ZMIZ1: variants seen among roughly 807,000 people sequenced by gnomAD.
ZMIZ1 encodes the protein zinc finger MIZ-type containing 1, also known as zinc finger MIZ domain-containing protein 1.
Under a neutral mutation model 113.9 loss-of-function variants are expected in ZMIZ1, and 17 were observed. That is an observed-to-expected ratio of 0.15 (90% CI 0.10 to 0.22). The LOEUF (loss-of-function observed/expected upper bound fraction) is 0.22, where lower values mean the gene tolerates loss of function less well. Among genes scored for constraint, ZMIZ1 ranks in the 10% least tolerant of loss-of-function variants. The pLI, the probability that ZMIZ1 is intolerant of heterozygous loss-of-function variation, is 1.00. For missense variants in ZMIZ1, 1,059 were observed against 1,477.8 expected, an observed-to-expected ratio of 0.72 and a Z score of 4.65; for synonymous variants, 607 against 603.1, an observed-to-expected ratio of 1.01 and a Z score of -0.09.
At chr10:79,146,417 C>G (rs1026429216) in intron 3 of ZMIZ1, among the ~76,000 whole-genome samples, 1 of 152,202 alleles carries the variant, frequency 6.6e-6, no homozygotes, top group Non-Finnish European at 1.5e-5. Flanking sequence ...CTAGACACCC[C>G]CTTCTTCTAC....
chr10:79,189,557 G>A (rs1267679172), intron 4 of ZMIZ1, among the ~76,000 whole-genome samples: 5 of 152,214 alleles, frequency 3.3e-5, no homozygotes, highest in Non-Finnish European at 7.3e-5. Flanking sequence ...ACTGAGGCTA[G>A]CATTGTGCCC....
chr10:79,253,300 T>A (rs2132895622), intron 7 of ZMIZ1, among the ~76,000 whole-genome samples: 1 of 152,202 alleles, frequency 6.6e-6, no homozygotes, highest in East Asian at 1.9e-4. Context: ...TGAATGGCTG[T>A]TGGATATAGG....
chr10:79,311,036 C>G lies in ZMIZ1; in HGVS notation c.2948C>G (p.Pro983Arg). Residue 983 changes from proline to arginine, a missense_variant, in exon 24 of 25, where the codon CCT becomes CGT. By Grantham distance (103) the Pro-to-Arg change is moderately radical. This residue lies in a region of ZMIZ1 where 225 missense variants were observed against 276.0 expected (regional missense o/e 0.82). Transcript: ENST00000334512. Reference protein sequence around the residue: ...GPPLHHSGAPPPPPSQPPRQP... With the variant: ...GPPLHHSGAPRPPPSQPPRQP... Reference sequence around the variant, plus strand: ...CCATTACATCACAGTGGGGCTCCTCCTCCTCCTCCTTCCCAGCCTCCCCGG... The same window carrying G: ...CCATTACATCACAGTGGGGCTCCTCGTCCTCCTCCTTCCCAGCCTCCCCGG... 1 of 1,613,806 alleles carries G rather than the reference C, an allele frequency of 6.2e-7. No individual in the cohort carries two copies.
At chr10:79,288,521 T>TACGC (rs759742534) in intron 8 of ZMIZ1, among the ~76,000 whole-genome samples, 5 of 148,210 alleles carry the variant, frequency 3.4e-5, no homozygotes, top group Non-Finnish European at 7.4e-5. Context: ...CCAACACACA[T>TACGC]ACGCACACAC....
In ZMIZ1 at chr10:79,306,171, A is replaced by G. The variant is rs1248217328; in HGVS notation, c.2495A>G (p.His832Arg). ...CCGGTGCCCATCAAGTCGGACTTAC[A>G]CATCAAGGACGACCCTGATGGCATC... Reference protein sequence around the residue: ...WRPVPIKSDLHIKDDPDGIPS... With the variant: ...WRPVPIKSDLRIKDDPDGIPS... Residue 832 changes from histidine to arginine, a missense_variant, in exon 22 of 25, where the codon CAC becomes CGC. His to Arg is a conservative substitution (Grantham distance 29, BLOSUM62 0). This residue lies in a region of ZMIZ1 where 217 missense variants were observed against 426.9 expected (regional missense o/e 0.51). Transcript: ENST00000334512. 16 of 1,613,902 alleles carry G rather than the reference A, an allele frequency of 9.9e-6. No individual in the cohort carries two copies. The highest frequency in any genetic ancestry group is 1.2e-5 in the Non-Finnish European group (14 of 1,180,016).
At chr10:79,273,330 C>T (rs1194471231) in intron 7 of ZMIZ1, among the ~76,000 whole-genome samples, 5 of 150,398 alleles carry the variant, frequency 3.3e-5, no homozygotes, top group African/African-American at 1.3e-4. Flanking sequence ...AACAGCCCCT[C>T]CTGCTTCTTG....
rs1338092289 is a variant in ZMIZ1 at position 79,311,332 on chromosome 10, C to A, written c.3096+148C>A. ...GGCTTCACCCAGACCTGGCTCCAGA[C>A]CAGGAAGCCCCATGATGGGGAAGTG... On this transcript the variant is annotated intron_variant, in intron 24 of 24. Transcript: ENST00000334512. 6.0e-6 allele frequency: 8 copies of A among 1,331,786 alleles called. No homozygotes were observed. In the Admixed American group the frequency reaches 2.3e-4, roughly 38 times the overall value. The allele number at this position is 1,331,786 out of a possible 1,614,324, so 82.5% of individuals were successfully genotyped here.
chr10:79,271,342 C>G (rs1851940076), intron 7 of ZMIZ1, among the ~76,000 whole-genome samples: 1 of 152,220 alleles, frequency 6.6e-6, no homozygotes, highest in East Asian at 1.9e-4. Flanking sequence ...ATTTGTGTGC[C>G]TGGCTCCCCT....
chr10:79,120,713 A>G (rs1844254880), intron 2 of ZMIZ1, among the ~76,000 whole-genome samples: 1 of 152,198 alleles, frequency 6.6e-6, no homozygotes, highest in Non-Finnish European at 1.5e-5. Flanking sequence ...GGGCTTCAAC[A>G]AATTGAAGCT....
chr10:79,206,211 C>T (rs558457395), intron 5 of ZMIZ1, among the ~76,000 whole-genome samples: 9 of 152,186 alleles, frequency 5.9e-5, no homozygotes, highest in South Asian at 4.2e-4. Flanking sequence ...GAGCTCTGAA[C>T]GCTGGTGAGA....
intron 4 of ZMIZ1, among the ~76,000 whole-genome samples, chr10:79,168,843 G>T (rs1270419821): frequency 6.6e-6 from 1 of 152,214 alleles, no homozygotes; most frequent in Non-Finnish European, 1.5e-5. Flanking sequence ...GCTGCTGGGT[G>T]AGCTGGGCCC....
At chr10:79,223,455 G>A (rs540142156) in intron 7 of ZMIZ1, among the ~76,000 whole-genome samples, 1 of 152,304 alleles carries the variant, frequency 6.6e-6, no homozygotes, top group South Asian at 2.1e-4. Context: ...GGAGGGGTTT[G>A]GCTTCCTTCC....
At chr10:79,098,936 G>T (rs960259811) in intron 1 of ZMIZ1, among the ~76,000 whole-genome samples, 13 of 152,204 alleles carry the variant, frequency 8.5e-5, no homozygotes, top group African/African-American at 1.2e-4. Flanking sequence ...ACTTGACTGT[G>T]GTGCAGACGT....
At chr10:79,101,399 C>CA (rs891225974) in intron 1 of ZMIZ1, among the ~76,000 whole-genome samples, 24 of 152,116 alleles carry the variant, frequency 1.6e-4, no homozygotes, top group African/African-American at 4.1e-4. Flanking sequence ...GGGATGCTGT[C>CA]AGAGGGGCAC....
chr10:79,219,353 C>T (rs542319346), intron 7 of ZMIZ1, among the ~76,000 whole-genome samples: 2 of 152,290 alleles, frequency 1.3e-5, no homozygotes, highest in African/African-American at 4.8e-5. Context: ...TGGTGCCAAG[C>T]TTTGTGAGAC....
intron 1 of ZMIZ1, among the ~76,000 whole-genome samples, chr10:79,106,186 G>A (rs1253160143): frequency 6.6e-6 from 1 of 152,206 alleles, no homozygotes; most frequent in African/African-American, 2.4e-5. Context: ...CAAACTGAGG[G>A]TCTAAGCTTG....
chr10:79,088,628 A>T (rs1842890299), intron 1 of ZMIZ1, among the ~76,000 whole-genome samples: 1 of 151,998 alleles, frequency 6.6e-6, no homozygotes, highest in Non-Finnish European at 1.5e-5. Flanking sequence ...CAGAGGCTGC[A>T]AGGAGGCTTA....
At chr10:79,091,984 A>G (rs1007132007) in intron 1 of ZMIZ1, among the ~76,000 whole-genome samples, 1 of 152,058 alleles carries the variant, frequency 6.6e-6, no homozygotes, top group Admixed American at 6.5e-5. Flanking sequence ...GTACTTCAGG[A>G]CCAACCAGGC....
intron 7 of ZMIZ1, among the ~76,000 whole-genome samples, chr10:79,255,901 C>A (rs1387066621): frequency 6.6e-6 from 1 of 152,230 alleles, no homozygotes; most frequent in Admixed American, 6.5e-5. Flanking sequence ...CACAGAGCCG[C>A]ATTGTAAATC....
Sources: gnomAD v4.1 joint callset for allele counts (sites outside exome capture counted in the v4.1 genomes callset) on GRCh38, gnomAD v4.1.1 for gene constraint, gnomAD v4.1.1 regional missense constraint, MANE v1.5 for transcripts, NCBI Gene and HGNC (gene_info 2026-07-23, HGNC 2026-07-21) for gene names.